The following B3GNT2 variants were observed in gnomAD, a reference collection of about 807,000 sequenced individuals.
The protein encoded by B3GNT2 is UDP-GlcNAc:betaGal beta-1,3-N-acetylglucosaminyltransferase 2, also known as N-acetyllactosaminide beta-1,3-N-acetylglucosaminyltransferase 2.
In B3GNT2, 12 loss-of-function variants were observed where a neutral mutation model predicts 27.6. The observed-to-expected ratio is 0.44, with a 90% confidence interval of 0.28 to 0.71. B3GNT2 has a LOEUF of 0.71. Ranked by LOEUF, B3GNT2 falls within the 30% of genes least tolerant of loss-of-function variation. The pLI, the probability that B3GNT2 is intolerant of heterozygous loss-of-function variation, is 0.17. For missense variants in B3GNT2, 413 were observed against 488.5 expected, an observed-to-expected ratio of 0.85 and a Z score of 1.46; for synonymous variants, 192 against 189.7, an observed-to-expected ratio of 1.01 and a Z score of -0.10.
At chr2:62,213,139 C>T (rs1206464731) in intron 1 of B3GNT2, among the ~76,000 whole-genome samples, 3 of 152,180 alleles carry the variant, frequency 2.0e-5, no homozygotes, top group Non-Finnish European at 2.9e-5. Context: ...GAGGAGACCT[C>T]GTCTCTACAA....
chr2:62,221,810 C>A (rs950234671), intron 1 of B3GNT2: 5 of 518,206 alleles, frequency 9.6e-6, no homozygotes, highest in African/African-American at 9.6e-5. Context: ...AATCGGTTTG[C>A]CAAGCACTGT....
intron 1 of B3GNT2, among the ~76,000 whole-genome samples, chr2:62,200,228 G>T (rs1674241069): frequency 6.6e-6 from 1 of 151,586 alleles, no homozygotes; most frequent in Non-Finnish European, 1.5e-5. Context: ...TTAGCTTTAG[G>T]TATTTTCATA....
intron 1 of B3GNT2, among the ~76,000 whole-genome samples, chr2:62,206,815 A>G (rs1011553527): frequency 6.6e-6 from 1 of 152,170 alleles, no homozygotes; most frequent in Admixed American, 6.5e-5. Context: ...CAAGACTCCA[A>G]ATGGATAAGC....
At chr2:62,197,089 C>CGTGGGG (rs969317094) in intron 1 of B3GNT2, among the ~76,000 whole-genome samples, 13 of 138,582 alleles carry the variant, frequency 9.4e-5, no homozygotes, top group African/African-American at 3.1e-4. Context: ...TAGCCCGAGT[C>CGTGGGG]GTGGGGGTGG....
chr2:62,202,878 C>T (rs1037903829), intron 1 of B3GNT2, among the ~76,000 whole-genome samples: 2 of 152,178 alleles, frequency 1.3e-5, no homozygotes, highest in East Asian at 1.9e-4. Context: ...CCCTTCTCCC[C>T]CTCATTTCAC....
chr2:62,222,592 A>G lies in B3GNT2; in HGVS notation c.372A>G (p.Arg124=). The change falls in exon 2 of 2, where the codon AGA becomes AGG. Residue 124 remains arginine, a synonymous_variant. Coordinates refer to ENST00000301998, the MANE Select transcript of B3GNT2 (RefSeq NM_006577.6). This position sits in a 1 kb window ranked among gnomAD's most constrained non-coding sequence, Gnocchi z 4.2. ...TTAAAGACTTTCTGCTGTATTTGAG[A>G]TGCCGCAATTATTCACTGCTTATAG... ...DRFKDFLLYL[R]CRNYSLLIDQ... is the part of the protein sequence containing the mutation. 2.5e-6 allele frequency: 4 copies of G among 1,614,202 alleles called. No homozygotes were observed. Among genetic ancestry groups the G allele is most frequent in the Non-Finnish European group, 3.4e-6 (4 of 1,180,036 alleles).
intron 1 of B3GNT2, among the ~76,000 whole-genome samples, chr2:62,208,085 T>A (rs79713893): frequency 0.016 from 2,412 of 152,306 alleles, 69 homozygotes; most frequent in African/African-American, 0.056. Flanking sequence ...GTTGAATTCT[T>A]GTACATTTTA....
chr2:62,224,504 A>G lies in B3GNT2; in HGVS notation c.*1090A>G, dbSNP rs978441957. The stretch of plus-strand genomic sequence containing the variant: ...ATATTTAACTAGAGCATGATATTTT[A>G]AATGTTAAGGTGTAACATATGTTAA... On this transcript the variant is annotated 3_prime_UTR_variant, in exon 2 of 2. Coordinates refer to ENST00000301998, the MANE Select transcript of B3GNT2 (RefSeq NM_006577.6). 1 of 167,110 alleles carries G rather than the reference A, an allele frequency of 6.0e-6. No homozygotes were observed. The highest frequency in any genetic ancestry group is 1.5e-5 in the Non-Finnish European group (1 of 68,112). 10.4% of individuals were successfully genotyped at this position (167,110 alleles called of 1,614,324 possible).
intron 1 of B3GNT2, among the ~76,000 whole-genome samples, chr2:62,212,767 T>G (rs368879911): frequency 2.0e-5 from 3 of 152,102 alleles, no homozygotes; most frequent in East Asian, 3.9e-4. Flanking sequence ...TCCTTTAGAT[T>G]GTTATTTCAT....
At chr2:62,220,170 G>GA (rs1023297414) in intron 1 of B3GNT2, among the ~76,000 whole-genome samples, 7 of 152,346 alleles carry the variant, frequency 4.6e-5, no homozygotes, top group African/African-American at 1.7e-4. Context: ...CAGTTTTATG[G>GA]AGGGACTGTT....
intron 1 of B3GNT2, among the ~76,000 whole-genome samples, chr2:62,202,578 G>A (rs977142297): frequency 6.6e-6 from 1 of 152,134 alleles, no homozygotes; most frequent in South Asian, 2.1e-4. Context: ...GAGAGGGTGT[G>A]GGTGCTGACA....
intron 1 of B3GNT2, among the ~76,000 whole-genome samples, chr2:62,210,769 A>AG (rs1674467574): frequency 9.5e-6 from 1 of 105,194 alleles, no homozygotes; most frequent in South Asian, 2.7e-4. Flanking sequence ...ACTCCATCTC[A>AG]AAAAAAATAA....
chr2:62,214,848 A>G (rs1216791721), intron 1 of B3GNT2, among the ~76,000 whole-genome samples: 1 of 152,094 alleles, frequency 6.6e-6, no homozygotes, highest in Non-Finnish European at 1.5e-5. Context: ...CTGAAAATGG[A>G]TCTGGGACAT....
chr2:62,204,358 A>C (rs1441239424), intron 1 of B3GNT2, among the ~76,000 whole-genome samples: 2 of 152,214 alleles, frequency 1.3e-5, no homozygotes, highest in African/African-American at 4.8e-5. Flanking sequence ...TGGTTCTCCA[A>C]AGTACTTCTT....
At chr2:62,219,246 G>C (rs993953619) in intron 1 of B3GNT2, among the ~76,000 whole-genome samples, 1 of 152,012 alleles carries the variant, frequency 6.6e-6, no homozygotes, top group Non-Finnish European at 1.5e-5. Context: ...CAGAAATTTT[G>C]GTAAAGGTCT....
chr2:62,200,550 A>G (rs1558630718), intron 1 of B3GNT2, among the ~76,000 whole-genome samples: 1 of 152,250 alleles, frequency 6.6e-6, no homozygotes, highest in Non-Finnish European at 1.5e-5. Context: ...CTTGGAGTCC[A>G]TAAGATGAGG....
rs144924235 is a variant in B3GNT2, at chr2:62,200,974, C to T, written c.-10+4619C>T. 8.9e-4 allele frequency among the ~76,000 whole-genome samples: 135 copies of T among 152,240 alleles called. 1 individual carries two copies. Among genetic ancestry groups the T allele is most frequent in the African/African-American group, 3.1e-3 (129 of 41,524 alleles). On this transcript the variant is annotated intron_variant, in intron 1 of 1. Transcript: ENST00000301998. ...AACTATTTCAGGATAAATTTTCTCACTTGTAAAATGGGGAAGATAAAGCCC... is the reference window on the plus strand; with the variant it reads ...AACTATTTCAGGATAAATTTTCTCATTTGTAAAATGGGGAAGATAAAGCCC...
chr2:62,217,268 T>C (rs1674593853), intron 1 of B3GNT2, among the ~76,000 whole-genome samples: 1 of 152,212 alleles, frequency 6.6e-6, no homozygotes, highest in Non-Finnish European at 1.5e-5. Context: ...GATTGTGTGA[T>C]GGTTGAAAAC....
intron 1 of B3GNT2, among the ~76,000 whole-genome samples, chr2:62,218,659 A>G (rs879279123): frequency 3.3e-5 from 5 of 152,370 alleles, no homozygotes; most frequent in Non-Finnish European, 5.9e-5. Flanking sequence ...ATTGGGAGCC[A>G]GAAGGTGGTC....
Sources: gnomAD v4.1 joint callset for allele counts (sites outside exome capture counted in the v4.1 genomes callset) on GRCh38, gnomAD v4.1.1 for gene constraint, Gnocchi (gnomAD v3.1) non-coding constraint, MANE v1.5 for transcripts, NCBI Gene and HGNC (gene_info 2026-07-23, HGNC 2026-07-21) for gene names.